XKR9: variants seen among roughly 807,000 people sequenced by gnomAD.
XKR9 encodes XK-related protein 9.
Under a neutral mutation model 32.0 loss-of-function variants are expected in XKR9, and 32 were observed. The ratio of observed to expected loss-of-function variants is 1.00; its 90% CI spans 0.76 to 1.34. The LOEUF is 1.34. XKR9 is among the 40% of genes most tolerant of loss of function. The pLI is 0.00. For synonymous variants in XKR9, 168 were observed against 143.4 expected, an observed-to-expected ratio of 1.17 and a Z score of -1.22; for missense variants, 546 against 429.7, an observed-to-expected ratio of 1.27 and a Z score of -2.39.
the XKR9 span, among the ~76,000 whole-genome samples, chr8:70,909,317 G>C: frequency 6.6e-6 from 1 of 151,968 alleles, no homozygotes; most frequent in African/African-American, 2.4e-5. Flanking sequence ...TGTATGTTTT[G>C]TCTCATATTG....
At chr8:70,812,708 T>C in the XKR9 span, among the ~76,000 whole-genome samples, 1 of 152,038 alleles carries the variant, frequency 6.6e-6, no homozygotes, top group East Asian at 1.9e-4. Flanking sequence ...TCAAAGAGAA[T>C]AAAATACCTA....
At chr8:70,895,029 G>A in the XKR9 span, among the ~76,000 whole-genome samples, 355 of 152,248 alleles carry the variant, frequency 2.3e-3, 1 homozygote, top group Non-Finnish European at 3.8e-3. Context: ...TCTTCTCTGT[G>A]GGGAGCACAG....
At chr8:70,678,141 T>C (rs1818942067) in intron 2 of XKR9, 1 of 152,184 alleles carries the variant, frequency 6.6e-6, no homozygotes, top group Non-Finnish European at 1.5e-5. Context: ...ACCTTCTCAG[T>C]GAGTCCTGCC....
chr8:70,822,088 A>G, the XKR9 span, among the ~76,000 whole-genome samples: 1 of 152,132 alleles, frequency 6.6e-6, no homozygotes, highest in East Asian at 1.9e-4. Context: ...CTATATTTGC[A>G]GGAATATTGT....
chr8:70,822,649 G>C, the XKR9 span, among the ~76,000 whole-genome samples: 5 of 151,404 alleles, frequency 3.3e-5, no homozygotes, highest in African/African-American at 4.8e-5. Context: ...TTAACTGAGT[G>C]ACTGCCCAGG....
At chr8:70,669,923 C>T (rs1288564163) in intron 1 of XKR9, among the ~76,000 whole-genome samples, 1 of 152,150 alleles carries the variant, frequency 6.6e-6, no homozygotes, top group African/African-American at 2.4e-5. Flanking sequence ...GCCTCGGCCT[C>T]CCAAAGTGCT....
At chr8:70,819,919 A>C in the XKR9 span, among the ~76,000 whole-genome samples, 1 of 152,234 alleles carries the variant, frequency 6.6e-6, no homozygotes, top group Non-Finnish European at 1.5e-5. Flanking sequence ...GCCTTCAAAA[A>C]GAGGAAAGCT....
chr8:70,981,729 T>G, the XKR9 span, among the ~76,000 whole-genome samples: 7 of 152,222 alleles, frequency 4.6e-5, no homozygotes, highest in Non-Finnish European at 1.0e-4. Context: ...TTTGTCATAT[T>G]ACCAGAATTG....
At chr8:70,885,958 G>T in the XKR9 span, among the ~76,000 whole-genome samples, 12 of 152,156 alleles carry the variant, frequency 7.9e-5, no homozygotes, top group Middle Eastern at 3.4e-3. Context: ...TGTTACATAG[G>T]TATACACGTG....
the XKR9 span, among the ~76,000 whole-genome samples, chr8:70,994,901 G>A: frequency 6.6e-6 from 1 of 152,108 alleles, no homozygotes; most frequent in Non-Finnish European, 1.5e-5. Flanking sequence ...AGGTCTTTGT[G>A]TTTCTAGGGC....
chr8:70,772,127 G>A (rs1394214824), intron 2 of XKR9, among the ~76,000 whole-genome samples: 1 of 152,144 alleles, frequency 6.6e-6, no homozygotes, highest in Non-Finnish European at 1.5e-5. Flanking sequence ...CCTTGAGAAT[G>A]TATTATCTTT....
intron 2 of XKR9, among the ~76,000 whole-genome samples, chr8:70,776,501 C>G (rs1441088888): frequency 6.6e-6 from 1 of 152,024 alleles, no homozygotes; most frequent in Non-Finnish European, 1.5e-5. Flanking sequence ...AATACAGATG[C>G]TATCAGGGTC....
At chr8:70,706,607 C>T (rs1805725370) in intron 3 of XKR9, among the ~76,000 whole-genome samples, 1 of 152,094 alleles carries the variant, frequency 6.6e-6, no homozygotes, top group Non-Finnish European at 1.5e-5. Context: ...GCACATCACT[C>T]TATCTTTCTC....
At chr8:70,804,925 G>A in the XKR9 span, among the ~76,000 whole-genome samples, 1 of 152,150 alleles carries the variant, frequency 6.6e-6, no homozygotes, top group Non-Finnish European at 1.5e-5. Flanking sequence ...TGACCCTGGG[G>A]TCCCTGATTC....
chr8:70,836,749 G>A, the XKR9 span, among the ~76,000 whole-genome samples: 1 of 151,906 alleles, frequency 6.6e-6, no homozygotes, highest in Non-Finnish European at 1.5e-5. Flanking sequence ...TGTATATTTA[G>A]TTTTATAAAT....
chr8:70,952,887 G>A, the XKR9 span, among the ~76,000 whole-genome samples: 1 of 152,190 alleles, frequency 6.6e-6, no homozygotes, highest in Non-Finnish European at 1.5e-5. Flanking sequence ...CAGAAATTGA[G>A]AACAAGCATT....
At chr8:70,676,314 G>A (rs1396051665) in intron 2 of XKR9, among the ~76,000 whole-genome samples, 1 of 152,118 alleles carries the variant, frequency 6.6e-6, no homozygotes, top group Admixed American at 6.6e-5. Flanking sequence ...CAACATGGGG[G>A]ATTACAATTC....
the XKR9 span, among the ~76,000 whole-genome samples, chr8:70,909,228 T>C: frequency 6.6e-6 from 1 of 152,226 alleles, no homozygotes; most frequent in Non-Finnish European, 1.5e-5. Context: ...ATCTGGCCTT[T>C]TCCTGTGAAT....
At chr8:70,821,780 G>A in the XKR9 span, among the ~76,000 whole-genome samples, 1 of 152,168 alleles carries the variant, frequency 6.6e-6, no homozygotes, top group Admixed American at 6.5e-5. Context: ...CTCATCTCGA[G>A]ACTGCCCAAA....
Sources: allele counts gnomAD v4.1 joint callset (sites outside exome capture counted in the v4.1 genomes callset), GRCh38; gene constraint gnomAD v4.1.1; transcripts MANE v1.5; gene names NCBI Gene and HGNC (gene_info 2026-07-23, HGNC 2026-07-21).